Variants in DNAJB12 observed in about 807,000 individuals in gnomAD.
DNAJB12 encodes the protein dnaJ homolog subfamily B member 12.
A neutral mutation model predicts 40.6 loss-of-function variants in DNAJB12; 14 were observed. That is an observed-to-expected ratio of 0.34 (90% confidence interval 0.23 to 0.54). DNAJB12 has a LOEUF of 0.54. DNAJB12 is among the 20% of genes least tolerant of loss of function. DNAJB12 has a pLI of 0.92. For synonymous variants in DNAJB12, 181 were observed against 199.5 expected (o/e 0.91, Z 0.78); for missense variants, 444 against 501.7 (o/e 0.89, Z 1.10).
chr10:72,341,628 A>G (rs905868742), intron 3 of DNAJB12, among the ~76,000 whole-genome samples: 1 of 151,878 alleles, frequency 6.6e-6, no homozygotes, highest in Non-Finnish European at 1.5e-5. Context: ...GAACCACCAC[A>G]CTCAGCTAAT....
In DNAJB12 at chr10:72,333,838, G is replaced by C. The variant is rs1341160036; in HGVS notation, c.*810C>G. 1 of 152,948 alleles carries C rather than the reference G, an allele frequency of 6.5e-6. No individual in the cohort carries two copies. The highest frequency in any genetic ancestry group is 1.9e-4 in the East Asian group (1 of 5,218). 9.5% of individuals were successfully genotyped at this position (152,948 alleles called of 1,614,324 possible). A position where few individuals can be genotyped will look rare whatever the true frequency, so the allele number is the denominator to read the frequency against. ...TCTACTGTGACTCAATACTGACCTG[G>C]CACCTGCCTCCATGGCCTGCTCCTC... On this transcript the variant is annotated 3_prime_UTR_variant, in exon 9 of 9. Coordinates refer to ENST00000444643, the MANE Select transcript of DNAJB12 (RefSeq NM_017626.7).
At chr10:72,346,273 C>T (rs1861784675) in intron 1 of DNAJB12, among the ~76,000 whole-genome samples, 1 of 152,014 alleles carries the variant, frequency 6.6e-6, no homozygotes, top group Non-Finnish European at 1.5e-5. Flanking sequence ...AAGTGATTCT[C>T]ATGCCTCAGC....
intron 1 of DNAJB12, chr10:72,354,391 A>C: frequency 4.7e-6 from 1 of 211,536 alleles, no homozygotes; most frequent in South Asian, 8.0e-5. Flanking sequence ...CCTGAACTGT[A>C]ATATTTCCCA....
chr10:72,334,773 A>G, intron 8 of DNAJB12, 156 bp from the exon 9 acceptor site: 1 of 1,398,560 alleles, frequency 7.2e-7, no homozygotes, highest in Admixed American at 3.4e-5. Flanking sequence ...CTCCTGCGGC[A>G]GCACAGAGGC....
chr10:72,339,920 A>G (rs1173742483), intron 5 of DNAJB12, among the ~76,000 whole-genome samples: 4 of 150,080 alleles, frequency 2.7e-5, no homozygotes, highest in East Asian at 4.2e-4. Flanking sequence ...CATGTTGGCC[A>G]GACTGCTCTC....
chr10:72,345,341 C>T (rs1221289875), intron 1 of DNAJB12, among the ~76,000 whole-genome samples: 1 of 152,164 alleles, frequency 6.6e-6, no homozygotes, highest in Admixed American at 6.5e-5. Context: ...GTGGTTCACA[C>T]CTGTAATCCC....
At chr10:72,344,859 C>T (rs527432606) in intron 2 of DNAJB12, 91 bp downstream of exon 2, 1 of 1,489,182 alleles carries the variant, frequency 6.7e-7, no homozygotes, top group African/African-American at 1.4e-5. Flanking sequence ...CCTGTGCTGC[C>T]CACAGGCAGA....
chr10:72,334,692 GC>G, intron 8 of DNAJB12, 75 bp from the exon 9 acceptor site: 2 of 1,481,696 alleles, frequency 1.3e-6, no homozygotes, highest in South Asian at 1.3e-5. Flanking sequence ...CACACAAGTA[GC>G]CCCCCTTGCC....
chr10:72,354,659 C>A, intron 1 of DNAJB12, 106 bp downstream of exon 1: 1 of 1,104,412 alleles, frequency 9.1e-7, no homozygotes, highest in Non-Finnish European at 1.3e-6. Flanking sequence ...CAGGCGTAGC[C>A]GCGCCTCGCC....
chr10:72,335,709 C>T lies in DNAJB12; in HGVS notation c.*30+71G>A. The T allele has an allele frequency of 6.5e-7, 1 of 1,544,850 alleles. No homozygotes were observed. On this transcript the variant is annotated intron_variant, in intron 8 of 8. Transcript: ENST00000444643. The surrounding 1 kb of genome is among the most constrained non-coding windows in gnomAD (Gnocchi z 4.4). ...CACCAGGCTTCCTCCCTTTCTCCCC[C>T]TCCCTCCTCTGCTCATGACCAGGGC...
intron 5 of DNAJB12, among the ~76,000 whole-genome samples, chr10:72,339,126 G>A (rs1224829072): frequency 6.6e-6 from 1 of 151,858 alleles, no homozygotes; most frequent in Non-Finnish European, 1.5e-5. Context: ...AATTAGCTGG[G>A]TGTGGTGGTG....
intron 2 of DNAJB12, 75 bp downstream of exon 2, chr10:72,344,875 G>A (rs773146597): frequency 1.3e-6 from 2 of 1,556,280 alleles, no homozygotes; most frequent in African/African-American, 1.4e-5. Context: ...GCAGATGGGA[G>A]GTGGAGGACA....
At position 72,340,693 on chromosome 10, in the gene DNAJB12, A is replaced by C. The variant is rs1238114231; in HGVS notation, c.723+96T>G. 1.5e-5 allele frequency: 18 copies of C among 1,233,216 alleles called. 1 individual carries two copies. In the South Asian group the frequency reaches 2.2e-4, roughly 15 times the overall value. 76.4% of individuals were successfully genotyped at this position (1,233,216 alleles called of 1,614,324 possible). A position where few individuals can be genotyped will look rare whatever the true frequency, so the allele number is the denominator to read the frequency against. On this transcript the variant is annotated intron_variant, in intron 5 of 8. Transcript: ENST00000444643. ...TTATGGGGACTCTGCTGGTCCCAGA[A>C]TGGACAGTGTGGGAGGGAACACCCT...
intron 5 of DNAJB12, 48 bp downstream of exon 5, chr10:72,340,741 T>G (rs1589126279): frequency 6.3e-7 from 1 of 1,582,264 alleles, no homozygotes; most frequent in Non-Finnish European, 8.6e-7. Flanking sequence ...CTCCCTGGGG[T>G]GGATTTGGTG....
intron 1 of DNAJB12, among the ~76,000 whole-genome samples, chr10:72,350,780 C>G (rs1293329369): frequency 6.6e-6 from 1 of 152,126 alleles, no homozygotes; most frequent in Non-Finnish European, 1.5e-5. Context: ...GATCTCTGCT[C>G]TCATAGGAGT....
intron 6 of DNAJB12, among the ~76,000 whole-genome samples, chr10:72,337,775 G>A (rs944712873): frequency 5.9e-5 from 9 of 152,130 alleles, no homozygotes; most frequent in Non-Finnish European, 8.8e-5. Context: ...AACCAGAGCC[G>A]AGGAGCAGAG....
At chr10:72,348,826 T>C (rs1330149999) in intron 1 of DNAJB12, among the ~76,000 whole-genome samples, 1 of 152,162 alleles carries the variant, frequency 6.6e-6, no homozygotes, top group Non-Finnish European at 1.5e-5. Context: ...GGTGGGTACT[T>C]TCACAGTGAT....
chr10:72,336,011 G>A lies in DNAJB12; in HGVS notation c.1007-80C>T, dbSNP rs1416443264. ...AGGAAGCCTGCGAGGGCTGTGGAGG[G>A]CGGAGGAAAGCTGGTACATGCCCGG... On this transcript the variant is annotated intron_variant, in intron 7 of 8. Coordinates refer to ENST00000444643, the MANE Select transcript of DNAJB12 (RefSeq NM_017626.7). 3.2e-6 allele frequency: 5 copies of A among 1,560,924 alleles called. No homozygotes were observed. The African/African-American group carries it at 4.1e-5, about 13-fold the overall frequency.
At chr10:72,347,121 C>G (rs571527993) in intron 1 of DNAJB12, among the ~76,000 whole-genome samples, 2 of 151,998 alleles carry the variant, frequency 1.3e-5, no homozygotes, top group African/African-American at 4.8e-5. Flanking sequence ...CACACCACCA[C>G]GCCGGCTAAT....
Sources: allele counts gnomAD v4.1 joint callset (sites outside exome capture counted in the v4.1 genomes callset), GRCh38; gene constraint gnomAD v4.1.1; non-coding constraint Gnocchi (gnomAD v3.1); transcripts MANE v1.5; gene names NCBI Gene and HGNC (gene_info 2026-07-23, HGNC 2026-07-21).